The following DISC1 variants were observed in gnomAD, a reference collection of about 807,000 sequenced individuals.
The protein encoded by DISC1 is DISC1 scaffold protein, also known as disrupted in schizophrenia 1 protein.
DISC1 carries 57 observed loss-of-function variants against 84.5 expected under a neutral mutation model. The ratio of observed to expected loss-of-function variants is 0.67; its 90% CI spans 0.55 to 0.84. DISC1 has a LOEUF of 0.84. DISC1 is among the 40% of genes least tolerant of loss of function. The pLI is 0.00. For synonymous variants in DISC1, 411 were observed against 415.2 expected, an observed-to-expected ratio of 0.99 and a Z score of 0.12; for missense variants, 1,000 against 1,057.8, an observed-to-expected ratio of 0.95 and a Z score of 0.76.
intron 3 of DISC1, among the ~76,000 whole-genome samples, chr1:231,733,578 G>A (rs1382127496): frequency 6.8e-6 from 1 of 146,976 alleles, no homozygotes; most frequent in African/African-American, 2.5e-5. Context: ...TGCTGGTGAT[G>A]GTGGGAGTGA....
Position 231,825,292 on chromosome 1 carries a change from G to GT in DISC1, c.1981+6783dup, listed in dbSNP as rs34770569. Among the ~76,000 whole-genome samples the GT allele has an allele frequency of 4.6e-5, 7 of 151,936 alleles. No individual in the cohort carries two copies. In the East Asian group the frequency reaches 5.8e-4, roughly 13 times the overall value. On this transcript the variant is annotated intron_variant, in intron 9 of 12. Coordinates refer to ENST00000439617, the MANE Select transcript of DISC1 (RefSeq NM_018662.3). The stretch of plus-strand genomic sequence containing the variant: ...ATTTCATACCAAATTGCAACAGGCA[G>GT]TTTTTTTTAACATGCTAATTCATTT...
At chr1:231,752,734 G>T (rs550856397) in intron 4 of DISC1, among the ~76,000 whole-genome samples, 1 of 152,162 alleles carries the variant, frequency 6.6e-6, no homozygotes, top group African/African-American at 2.4e-5. Context: ...CTGAGACAAG[G>T]CTAGTCCCTT....
At chr1:231,655,475 C>G (rs2060980144) in intron 1 of DISC1, among the ~76,000 whole-genome samples, 1 of 152,114 alleles carries the variant, frequency 6.6e-6, no homozygotes, top group Non-Finnish European at 1.5e-5. Flanking sequence ...ATATATACCA[C>G]ATTTTCTTCA....
chr1:231,940,540 C>T (rs2091262010), intron 9 of DISC1, among the ~76,000 whole-genome samples: 1 of 152,148 alleles, frequency 6.6e-6, no homozygotes, highest in Non-Finnish European at 1.5e-5. Flanking sequence ...ACATTCAGCA[C>T]ATAATTTAAA....
chr1:231,846,103 A>G (rs2083431920), intron 9 of DISC1, among the ~76,000 whole-genome samples: 1 of 152,134 alleles, frequency 6.6e-6, no homozygotes. Context: ...GAGCCACGTT[A>G]GGGACGTGGG....
At chr1:231,741,616 CT>C in intron 3 of DISC1, among the ~76,000 whole-genome samples, 1 of 152,236 alleles carries the variant, frequency 6.6e-6, no homozygotes, top group East Asian at 1.9e-4. Flanking sequence ...GAGAACCTGC[CT>C]GTGCTTAGGG....
chr1:231,989,235 G>T (rs751760927), intron 10 of DISC1, among the ~76,000 whole-genome samples: 1 of 152,226 alleles, frequency 6.6e-6, no homozygotes, highest in Non-Finnish European at 1.5e-5. Flanking sequence ...ATAAACAGAT[G>T]AGATGGAGAA....
rs1233249995 is a variant in DISC1 at position 231,698,798 on chromosome 1, C to T, written c.1048-3157C>T. ...GTGGCCCTCAAACCATTCACACAGC[C>T]TTTCTTCTGTCCCTAATATATAGGA... is the stretch of plus-strand genomic sequence containing the variant. On this transcript the variant is annotated intron_variant, in intron 2 of 12. Transcript: ENST00000439617. The surrounding 1 kb of genome is among the most constrained non-coding windows in gnomAD (Gnocchi z 4.9). 6.6e-6 allele frequency among the ~76,000 whole-genome samples: 1 copy of T among 152,184 alleles called. No individual in the cohort carries two copies. The highest frequency in any genetic ancestry group is 1.5e-5 in the Non-Finnish European group (1 of 68,038).
chr1:231,961,877 C>T (rs1250558999), intron 10 of DISC1, among the ~76,000 whole-genome samples: 1 of 152,078 alleles, frequency 6.6e-6, no homozygotes, highest in Non-Finnish European at 1.5e-5. Flanking sequence ...ATGGTTTATT[C>T]TCTTTTGGAT....
intron 9 of DISC1, among the ~76,000 whole-genome samples, chr1:231,949,090 G>A (rs1480855721): frequency 1.3e-5 from 2 of 151,910 alleles, no homozygotes; most frequent in East Asian, 3.9e-4. Context: ...TGATGGTCTC[G>A]ATCTTCTGAC....
At chr1:231,638,374 G>C (rs981414767) in intron 1 of DISC1, among the ~76,000 whole-genome samples, 1 of 152,058 alleles carries the variant, frequency 6.6e-6, no homozygotes, top group African/African-American at 2.4e-5. Flanking sequence ...TGTTGTTGTT[G>C]CCTGTGCTTT....
At chr1:231,671,827 G>A (rs1354622239) in intron 1 of DISC1, among the ~76,000 whole-genome samples, 1 of 152,194 alleles carries the variant, frequency 6.6e-6, no homozygotes, top group Non-Finnish European at 1.5e-5. Context: ...TTCCTCATTT[G>A]TGAAGGAGGT....
At chr1:231,786,228 A>G (rs1406753516) in intron 6 of DISC1, among the ~76,000 whole-genome samples, 1 of 152,218 alleles carries the variant, frequency 6.6e-6, no homozygotes, top group Non-Finnish European at 1.5e-5. Context: ...CAGTTAAAGA[A>G]TATGGGATAG....
At chr1:231,795,380 C>A in intron 7 of DISC1, 84 bp downstream of exon 7, 1 of 1,223,340 alleles carries the variant, frequency 8.2e-7, no homozygotes, top group Non-Finnish European at 1.2e-6. Context: ...CTTAGGATAC[C>A]TGGCTTCTGC....
intron 11 of DISC1, among the ~76,000 whole-genome samples, chr1:232,012,160 AG>A (rs35392101): frequency 0.35 from 53,688 of 152,078 alleles, 9,760 homozygotes; most frequent in African/African-American, 0.37. Flanking sequence ...TGCTAGCAAC[AG>A]CTATTTGTTT....
rs1242544547 is a variant in DISC1 at position 231,886,762 on chromosome 1, CCTTCCTTTCTTTCTTTCTTTCTTTCTTT to C, written c.1981+68249_1981+68276del. 6.7e-5 allele frequency among the ~76,000 whole-genome samples: 8 copies of C among 119,000 alleles called. No homozygotes were observed. In the South Asian group the frequency reaches 9.1e-4, roughly 13 times the overall value. The allele number at this position is 119,000 out of a possible 152,430, so 78.1% of individuals were successfully genotyped here. On this transcript the variant is annotated intron_variant, in intron 9 of 12. Transcript: ENST00000439617. Reference sequence around the variant, plus strand: ...CTTTCTCTTTCTTCCTTTCTTCCTTCCTTCCTTTCTTTCTTTCTTTCTTTCTTTCTTTCTTTCTTTCTTTCTTTCTTTC... The same window carrying C: ...CTTTCTCTTTCTTCCTTTCTTCCTTCCTTTCTTTCTTTCTTTCTTTCTTTC...
chr1:231,973,048 CTTT>C (rs397934533), intron 10 of DISC1, among the ~76,000 whole-genome samples: 6 of 137,098 alleles, frequency 4.4e-5, no homozygotes, highest in Admixed American at 7.3e-5. Context: ...ATGTCTTGTT[CTTT>C]TTTTTTTTTT....
intron 9 of DISC1, among the ~76,000 whole-genome samples, chr1:231,941,519 C>G (rs1275944893): frequency 6.6e-6 from 1 of 151,386 alleles, no homozygotes; most frequent in Non-Finnish European, 1.5e-5. Context: ...TGTCACCAGG[C>G]TGGAGTGCAG....
intron 10 of DISC1, among the ~76,000 whole-genome samples, chr1:231,994,535 A>T (rs1665642782): frequency 6.6e-6 from 1 of 152,248 alleles, no homozygotes. Flanking sequence ...AGTAAAGGTT[A>T]TGTTTTTAAA....
Sources: gnomAD v4.1 joint callset for allele counts (sites outside exome capture counted in the v4.1 genomes callset) on GRCh38, gnomAD v4.1.1 for gene constraint, Gnocchi (gnomAD v3.1) non-coding constraint, MANE v1.5 for transcripts, NCBI Gene and HGNC (gene_info 2026-07-23, HGNC 2026-07-21) for gene names.